Variants in GRIN2A observed in about 807,000 individuals in gnomAD.
GRIN2A encodes the protein glutamate receptor ionotropic, NMDA 2A.
GRIN2A carries 22 observed loss-of-function variants against 113.4 expected under a neutral mutation model. The ratio of observed to expected loss-of-function variants is 0.19; its 90% CI spans 0.14 to 0.28. The LOEUF (loss-of-function observed/expected upper bound fraction) is 0.28. GRIN2A is among the 10% of genes least tolerant of loss of function. GRIN2A has a pLI of 1.00. For missense variants in GRIN2A, 1,502 were observed against 1,887.0 expected (o/e 0.80, Z 3.78); for synonymous variants, 827 against 738.4 (o/e 1.12, Z -1.94).
chr16:10,034,470 A>G (rs1367886354), intron 2 of GRIN2A, among the ~76,000 whole-genome samples: 1 of 142,914 alleles, frequency 7.0e-6, no homozygotes, highest in Non-Finnish European at 1.5e-5. Context: ...GGTTGCAGTG[A>G]GCCAAGATCG....
rs79207978 is a variant in GRIN2A, at chr16:10,103,018, G to A, written c.414+76980C>T. Among the ~76,000 whole-genome samples, 650 of 152,280 alleles carry A rather than the reference G, an allele frequency of 4.3e-3. 9 individuals carry two copies. The highest frequency in any genetic ancestry group is 0.029 in the Admixed American group (451 of 15,298). ...CATCCCCTATGGTAGGCACTGGGACGAAAAGAATGAATGATCCTTGACATC... is the reference window on the plus strand; with the variant it reads ...CATCCCCTATGGTAGGCACTGGGACAAAAAGAATGAATGATCCTTGACATC... On this transcript the variant is annotated intron_variant, in intron 2 of 12. Transcript: ENST00000330684.
chr16:10,104,329 G>C (rs181606270), intron 2 of GRIN2A, among the ~76,000 whole-genome samples: 2 of 152,182 alleles, frequency 1.3e-5, no homozygotes, highest in Non-Finnish European at 2.9e-5. Flanking sequence ...TAGTCACAGG[G>C]CGAGGGGTGT....
chr16:9,860,278 A>G (rs532743384), intron 4 of GRIN2A, among the ~76,000 whole-genome samples: 35 of 151,912 alleles, frequency 2.3e-4, no homozygotes, highest in African/African-American at 7.0e-4. Context: ...CAACATGGTG[A>G]AACCCCATCT....
At chr16:10,087,228 A>G (rs2048101923) in intron 2 of GRIN2A, among the ~76,000 whole-genome samples, 1 of 152,226 alleles carries the variant, frequency 6.6e-6, no homozygotes, top group African/African-American at 2.4e-5. Flanking sequence ...TCACTACTAT[A>G]TCTACCGCAT....
At chr16:10,152,779 C>T (rs73514661) in intron 2 of GRIN2A, among the ~76,000 whole-genome samples, 3,430 of 152,212 alleles carry the variant, frequency 0.023, 115 homozygotes, top group African/African-American at 0.079. Flanking sequence ...GACATCAAGC[C>T]GTGAAAAGAC....
At chr16:10,124,969 T>A (rs2048904901) in intron 2 of GRIN2A, among the ~76,000 whole-genome samples, 1 of 152,090 alleles carries the variant, frequency 6.6e-6, no homozygotes, top group African/African-American at 2.4e-5. Context: ...TAGGGAACCA[T>A]GAGGACAAAG....
At chr16:9,993,079 A>G (rs375603183) in intron 2 of GRIN2A, among the ~76,000 whole-genome samples, 39 of 151,818 alleles carry the variant, frequency 2.6e-4, no homozygotes, top group Non-Finnish European at 5.0e-4. Context: ...AACCCCAAAA[A>G]ATTAGCCAGG....
chr16:10,031,541 T>A (rs1167818512), intron 2 of GRIN2A: 1 of 152,264 alleles, frequency 6.6e-6, no homozygotes, highest in Non-Finnish European at 1.5e-5. Context: ...CAGTGCTGCG[T>A]TCCTGGCACC....
chr16:10,125,037 C>T (rs1895941812), intron 2 of GRIN2A, among the ~76,000 whole-genome samples: 1 of 152,132 alleles, frequency 6.6e-6, no homozygotes, highest in Non-Finnish European at 1.5e-5. Flanking sequence ...CCCAAAAAAG[C>T]ACGTAGTGCC....
chr16:10,028,383 T>C (rs1002926880), intron 2 of GRIN2A, among the ~76,000 whole-genome samples: 1 of 152,216 alleles, frequency 6.6e-6, no homozygotes, highest in African/African-American at 2.4e-5. Context: ...AGTGTGGCAC[T>C]GTCGCTGGGA....
chr16:9,947,195 C>T (rs186385887), intron 2 of GRIN2A, among the ~76,000 whole-genome samples: 1 of 152,194 alleles, frequency 6.6e-6, no homozygotes, highest in Non-Finnish European at 1.5e-5. Flanking sequence ...ACCCACCTCT[C>T]TTCACAAATC....
intron 2 of GRIN2A, among the ~76,000 whole-genome samples, chr16:9,966,822 T>C (rs2045564513): frequency 6.6e-6 from 1 of 152,166 alleles, no homozygotes; most frequent in Non-Finnish European, 1.5e-5. Context: ...TCTGATTCAG[T>C]AGGATGCATA....
intron 10 of GRIN2A, among the ~76,000 whole-genome samples, chr16:9,817,268 T>C (rs1354771612): frequency 6.6e-6 from 1 of 152,188 alleles, no homozygotes; most frequent in Non-Finnish European, 1.5e-5. Context: ...ACAGTAGTTC[T>C]CAAATATTCG....
chr16:10,107,412 T>C (rs1219608247), intron 2 of GRIN2A, among the ~76,000 whole-genome samples: 1 of 152,206 alleles, frequency 6.6e-6, no homozygotes, highest in Non-Finnish European at 1.5e-5. Flanking sequence ...GAAACTGCCC[T>C]GAGCTGACTT....
intron 4 of GRIN2A, among the ~76,000 whole-genome samples, chr16:9,871,680 A>G (rs1386791614): frequency 6.6e-6 from 1 of 152,212 alleles, no homozygotes; most frequent in African/African-American, 2.4e-5. Flanking sequence ...TCTATAAAAT[A>G]ATATGTACCA....
intron 2 of GRIN2A, among the ~76,000 whole-genome samples, chr16:10,093,630 C>A (rs975708313): frequency 4.2e-5 from 6 of 141,520 alleles, no homozygotes; most frequent in South Asian, 2.4e-4. Context: ...AAAAAAAAAA[C>A]AAAAAACCTT....
At chr16:10,105,237 C>A (rs780587225) in intron 2 of GRIN2A, among the ~76,000 whole-genome samples, 2 of 152,148 alleles carry the variant, frequency 1.3e-5, no homozygotes, top group Non-Finnish European at 2.9e-5. Flanking sequence ...TGACCACGAC[C>A]ATTAAAACAT....
intron 9 of GRIN2A, among the ~76,000 whole-genome samples, chr16:9,829,071 G>C (rs999690120): frequency 6.6e-6 from 1 of 152,106 alleles, no homozygotes; most frequent in African/African-American, 2.4e-5. Flanking sequence ...CCAGGAAAAT[G>C]GGCCTTCCTT....
chr16:10,092,137 T>G (rs950456545), intron 2 of GRIN2A, among the ~76,000 whole-genome samples: 4 of 152,010 alleles, frequency 2.6e-5, no homozygotes, highest in African/African-American at 9.7e-5. Flanking sequence ...AATAGAAGAG[T>G]TTAGTCAAAT....
Sources: allele counts gnomAD v4.1 joint callset (sites outside exome capture counted in the v4.1 genomes callset), GRCh38; gene constraint gnomAD v4.1.1; transcripts MANE v1.5; gene names NCBI Gene and HGNC (gene_info 2026-07-23, HGNC 2026-07-21).